Variants in HBS1L observed in about 807,000 individuals in gnomAD.
HBS1L encodes HBS1 like translational GTPase.
A neutral mutation model predicts 88.9 loss-of-function variants in HBS1L; 55 were observed. That is an observed-to-expected ratio of 0.62 (90% confidence interval 0.50 to 0.77). The LOEUF (loss-of-function observed/expected upper bound fraction) is 0.77. HBS1L is among the 30% of genes least tolerant of loss of function. HBS1L has a pLI of 0.00. For missense variants in HBS1L, 741 were observed against 829.3 expected (o/e 0.89, Z 1.31); for synonymous variants, 267 against 288.5 (o/e 0.93, Z 0.76).
chr6:134,992,514 A>AC (rs1775170828), intron 8 of HBS1L, among the ~76,000 whole-genome samples: 1 of 152,192 alleles, frequency 6.6e-6, no homozygotes, highest in South Asian at 2.1e-4. Flanking sequence ...TGGTTTATGT[A>AC]CTTACTATTT....
chr6:134,978,532 CTAATTA>C (rs760156515), intron 15 of HBS1L, 141 bp downstream of exon 15: 4 of 441,468 alleles, frequency 9.1e-6, no homozygotes, highest in Non-Finnish European at 7.9e-6. Flanking sequence ...AAACGATTTT[CTAATTA>C]TAAGTTTTTC....
In HBS1L at chr6:135,002,806, G is replaced by A; in HGVS notation, c.467C>T (p.Ser156Phe). Residue 156 changes from serine (S) to phenylalanine (F), a missense_variant, in exon 5 of 18, where the codon TCT (serine) becomes TTT (phenylalanine). By Grantham distance (155) the Ser-to-Phe change is radical. Transcript: ENST00000367837. The part of the protein sequence containing the change: ...PVDSQTSRSE[S>F]EIVPKVAKMT... ...TTTAGCAACTTTTGGCACAATTTCA[G>A]ATTCACTTCGCGATGTCTGGGAATC... 6.2e-7 allele frequency: 1 copy of A among 1,613,142 alleles called. No homozygotes were observed.
At chr6:135,001,945 G>GA (rs900075689) in intron 5 of HBS1L, among the ~76,000 whole-genome samples, 13 of 148,808 alleles carry the variant, frequency 8.7e-5, no homozygotes, top group African/African-American at 2.5e-4. Flanking sequence ...GGGAAAAGAG[G>GA]AAAAAAAAGG....
chr6:135,054,623 C>A (rs1352525917), intron 1 of HBS1L, 26 bp downstream of exon 1: 5 of 1,613,208 alleles, frequency 3.1e-6, no homozygotes, highest in Non-Finnish European at 4.2e-6. Context: ...GGGAAAAGAA[C>A]GTCCCGGCAT....
chr6:134,984,151 C>T (rs1562279684), intron 12 of HBS1L, among the ~76,000 whole-genome samples: 1 of 152,168 alleles, frequency 6.6e-6, no homozygotes, highest in Admixed American at 6.6e-5. Context: ...AGAAAAGTAA[C>T]CACCTCTTGT....
intron 5 of HBS1L, among the ~76,000 whole-genome samples, chr6:134,999,493 G>A (rs914470650): frequency 1.2e-4 from 17 of 136,616 alleles, no homozygotes; most frequent in Non-Finnish European, 2.0e-4. Flanking sequence ...TATCACCCAG[G>A]CTGGAGTGCA....
At chr6:134,978,609 G>C in intron 15 of HBS1L, 70 bp downstream of exon 15, 1 of 802,494 alleles carries the variant, frequency 1.2e-6, no homozygotes, top group South Asian at 1.9e-5. Flanking sequence ...TGTAAAGAAA[G>C]TTACCACTTT....
At chr6:135,013,047 T>G (rs1030574075) in intron 4 of HBS1L, among the ~76,000 whole-genome samples, 1 of 152,208 alleles carries the variant, frequency 6.6e-6, no homozygotes, top group Non-Finnish European at 1.5e-5. Flanking sequence ...CACCAGCCAG[T>G]TAGGTTAGTA....
intron 15 of HBS1L, among the ~76,000 whole-genome samples, chr6:134,978,204 C>A (rs141389850): frequency 6.6e-6 from 1 of 152,086 alleles, no homozygotes; most frequent in East Asian, 1.9e-4. Flanking sequence ...ATGGATTATG[C>A]AAGTATATGG....
chr6:135,002,687 A>T, intron 5 of HBS1L, 47 bp downstream of exon 5: 2 of 1,062,824 alleles, frequency 1.9e-6, no homozygotes, highest in Non-Finnish European at 2.8e-6. Flanking sequence ...GTGATTTCAA[A>T]AACTTGGGGG....
intron 4 of HBS1L, chr6:135,036,330 G>A (rs772928118): frequency 6.1e-4 from 679 of 1,114,878 alleles, no homozygotes; most frequent in Non-Finnish European, 7.1e-4. Flanking sequence ...TATCCACTTT[G>A]TAAACATATA....
At chr6:135,009,255 T>TATA (rs1351072639) in intron 4 of HBS1L, among the ~76,000 whole-genome samples, 2 of 151,662 alleles carry the variant, frequency 1.3e-5, no homozygotes, top group Non-Finnish European at 1.5e-5. Context: ...TATATATGAA[T>TATA]TACATGGTGC....
intron 17 of HBS1L, 86 bp from the exon 18 acceptor site, chr6:134,965,376 A>G: frequency 1.1e-6 from 1 of 886,304 alleles, no homozygotes. Flanking sequence ...ATGGTGAAAG[A>G]ATTATTATAT....
At chr6:135,000,095 G>A (rs1024033624) in intron 5 of HBS1L, among the ~76,000 whole-genome samples, 4 of 151,514 alleles carry the variant, frequency 2.6e-5, no homozygotes, top group African/African-American at 9.7e-5. Flanking sequence ...CTCTCGCTGT[G>A]TTGCCCAGGC....
intron 4 of HBS1L, among the ~76,000 whole-genome samples, chr6:135,018,090 C>T (rs553442237): frequency 4.0e-5 from 6 of 151,868 alleles, no homozygotes; most frequent in South Asian, 4.2e-4. Flanking sequence ...TACAGATACA[C>T]GTACACACAC....
chr6:135,002,713 G>A (rs774710788), intron 5 of HBS1L, 21 bp downstream of exon 5: 1 of 1,425,062 alleles, frequency 7.0e-7, no homozygotes, highest in Non-Finnish European at 9.9e-7. Flanking sequence ...GTGGGGATGA[G>A]GGAGGTACTC....
intron 10 of HBS1L, 48 bp downstream of exon 10, chr6:134,986,687 TA>T: frequency 1.1e-6 from 1 of 944,072 alleles, no homozygotes. Context: ...CTCATACCAG[TA>T]AGATGACTTA....
At chr6:135,036,224 T>G in intron 4 of HBS1L, 9 of 951,516 alleles carry the variant, frequency 9.5e-6, no homozygotes, top group Non-Finnish European at 1.1e-5. Context: ...CACAAAAATA[T>G]TTCATAGAAA....
In HBS1L at chr6:135,054,684, C is replaced by T. The variant is rs1409092996; in HGVS notation, c.8G>A (p.Arg3Gln). 1 of 1,614,116 alleles carries T rather than the reference C, an allele frequency of 6.2e-7. No individual in the cohort carries two copies. The highest frequency in any genetic ancestry group is 8.5e-7 in the Non-Finnish European group (1 of 1,180,058). MA[R>Q]HRNVRGYNYD... ...GTTATAGCCTCGAACATTCCGATGC[C>T]GGGCCATGACGGCGGAGAGGGCGTT... The change falls in exon 1 of 18, where the codon CGG becomes CAG. Residue 3 changes from arginine (R) to glutamine (Q), a missense_variant. Arg to Gln is a conservative substitution (Grantham distance 43, BLOSUM62 1). Around this residue, in one of 3 missense-constraint regions of HBS1L, gnomAD observed 556 missense variants for 598.4 expected, o/e 0.93. Transcript: ENST00000367837.
Sources: gnomAD v4.1 joint callset for allele counts (sites outside exome capture counted in the v4.1 genomes callset) on GRCh38, gnomAD v4.1.1 for gene constraint, gnomAD v4.1.1 regional missense constraint, MANE v1.5 for transcripts, NCBI Gene and HGNC (gene_info 2026-07-23, HGNC 2026-07-21) for gene names.